PYGB: variants seen among roughly 807,000 people sequenced by gnomAD.
PYGB encodes glycogen phosphorylase B, also known as glycogen phosphorylase, brain form.
Under a neutral mutation model 94.3 loss-of-function variants are expected in PYGB, and 82 were observed. The observed-to-expected ratio is 0.87, with a 90% CI of 0.73 to 1.04. The LOEUF is 1.04. PYGB is among the 50% of genes least tolerant of loss of function. The pLI, the probability that PYGB is intolerant of heterozygous loss-of-function variation, is 0.00. For missense variants in PYGB, 1,132 were observed against 1,158.2 expected (o/e 0.98, Z 0.33); for synonymous variants, 488 against 479.1 (o/e 1.02, Z -0.24).
At chr20:25,263,144 C>G (rs921926091) in intron 2 of PYGB, among the ~76,000 whole-genome samples, 2 of 152,166 alleles carry the variant, frequency 1.3e-5, no homozygotes, top group African/African-American at 2.4e-5. Context: ...ACTCTCCACC[C>G]CAAATCAACA....
rs1375716907 is a variant in PYGB at position 25,297,705 on chromosome 20, A to C, written c.*1183A>C. ...TCCTTCCCTGTGGAATTGCCGAGAA[A>C]TCTAGCACCTTGCATGCTGGATCTG... On this transcript the variant is annotated 3_prime_UTR_variant, in exon 20 of 20. Transcript: ENST00000216962. 1.3e-5 allele frequency: 2 copies of C among 152,290 alleles called. No homozygotes were observed. Among genetic ancestry groups the C allele is most frequent in the Non-Finnish European group, 2.9e-5 (2 of 68,096 alleles). 9.4% of individuals were successfully genotyped at this position (152,290 alleles called of 1,614,324 possible). A position where few individuals can be genotyped will look rare whatever the true frequency, so the allele number is the denominator to read the frequency against.
At chr20:25,256,132 C>A (rs2092902025) in intron 1 of PYGB, among the ~76,000 whole-genome samples, 1 of 152,146 alleles carries the variant, frequency 6.6e-6, no homozygotes, top group African/African-American at 2.4e-5. Flanking sequence ...AGTTAAAAAT[C>A]CCTTCAGAAA....
chr20:25,294,426 GAGACCTTACTGGGCAGAGCCTT>G (rs1202978331), intron 18 of PYGB, 134 bp downstream of exon 18: 2 of 1,166,560 alleles, frequency 1.7e-6, no homozygotes, highest in African/African-American at 3.1e-5. Context: ...CTGTGCCCAT[GAGACCTTACTGGGCAGAGCCTT>G]AGACCCCAGC....
intron 11 of PYGB, among the ~76,000 whole-genome samples, chr20:25,281,487 G>A (rs1020462714): frequency 1.3e-5 from 2 of 152,334 alleles, no homozygotes; most frequent in African/African-American, 4.8e-5. Context: ...GTCAGATCTT[G>A]TTCTTGCCCC....
intron 1 of PYGB, among the ~76,000 whole-genome samples, chr20:25,258,352 C>G (rs907256816): frequency 6.6e-6 from 1 of 152,204 alleles, no homozygotes; most frequent in Admixed American, 6.5e-5. Flanking sequence ...TCCACCCCAC[C>G]CTCAAGGTGG....
intron 17 of PYGB, among the ~76,000 whole-genome samples, chr20:25,292,820 G>C (rs1177864714): frequency 1.3e-5 from 2 of 152,140 alleles, no homozygotes; most frequent in Admixed American, 6.5e-5. Context: ...CGAGGCCCAC[G>C]TGGGGGTGCT....
At chr20:25,293,415 T>C (rs529417927) in intron 17 of PYGB, among the ~76,000 whole-genome samples, 4 of 86,170 alleles carry the variant, frequency 4.6e-5, no homozygotes, top group African/African-American at 2.0e-4. Flanking sequence ...AGTTTTTCCT[T>C]GTTCTTCATG....
chr20:25,281,837 C>T (rs1429330683), intron 11 of PYGB, among the ~76,000 whole-genome samples, 196 bp from the exon 12 acceptor site: 1 of 152,224 alleles, frequency 6.6e-6, no homozygotes, highest in Non-Finnish European at 1.5e-5. Flanking sequence ...CCACAGATGC[C>T]CCGGGGTGCA....
chr20:25,284,583 C>T (rs184757296), intron 14 of PYGB, among the ~76,000 whole-genome samples: 200 of 152,282 alleles, frequency 1.3e-3, no homozygotes, highest in Non-Finnish European at 9.9e-4. Context: ...TACAGGCGCA[C>T]GCCACTATGC....
intron 14 of PYGB, 48 bp from the exon 15 acceptor site, chr20:25,288,377 C>T (rs1025854446): frequency 1.2e-6 from 2 of 1,608,894 alleles, no homozygotes; most frequent in Non-Finnish European, 1.7e-6. Context: ...AGCAGGGGCT[C>T]GTCCGGCTCG....
intron 1 of PYGB, among the ~76,000 whole-genome samples, chr20:25,251,948 T>C (rs542166228): frequency 6.6e-5 from 10 of 152,356 alleles, no homozygotes; most frequent in Non-Finnish European, 1.5e-4. Context: ...GAAGATGATC[T>C]AGAGAAGTGT....
chr20:25,261,288 G>C (rs2092912905), intron 2 of PYGB, among the ~76,000 whole-genome samples: 1 of 152,224 alleles, frequency 6.6e-6, no homozygotes, highest in African/African-American at 2.4e-5. Context: ...GAAGCTTCCA[G>C]AGGAACGATC....
Position 25,294,226 on chromosome 20 carries a change from G to T in PYGB, c.2246G>T (p.Gly749Val), listed in dbSNP as rs1234057087. The change falls in exon 18 of 20, where the codon GGC (glycine) becomes GTC (valine). Residue 749 changes from glycine to valine, a missense_variant. Coordinates refer to ENST00000216962, the MANE Select transcript of PYGB (RefSeq NM_002862.4). Reference sequence around the variant, plus strand: ...CAGGCCGTGGACCAGATCAGCAGTGGCTTTTTTTCTCCCAAGGAGCCAGAC... The same window carrying T: ...CAGGCCGTGGACCAGATCAGCAGTGTCTTTTTTTCTCCCAAGGAGCCAGAC... ...LKQAVDQISSGFFSPKEPDCF... is the reference protein window; with the variant it reads ...LKQAVDQISSVFFSPKEPDCF... 1 of 1,585,340 alleles carries T rather than the reference G, an allele frequency of 6.3e-7. No individual in the cohort carries two copies. The highest frequency in any genetic ancestry group is 1.4e-5 in the African/African-American group (1 of 73,728).
intron 2 of PYGB, among the ~76,000 whole-genome samples, chr20:25,262,479 A>G (rs945867998): frequency 1.3e-5 from 2 of 152,244 alleles, no homozygotes; most frequent in African/African-American, 4.8e-5. Flanking sequence ...TGAAGGAAGC[A>G]CTAAACATGG....
chr20:25,294,306 C>G lies in PYGB; in HGVS notation c.2312+14C>G, dbSNP rs773128853. 1 of 1,329,232 alleles carries G rather than the reference C, an allele frequency of 7.5e-7. No homozygotes were observed. Among genetic ancestry groups the G allele is most frequent in the Non-Finnish European group, 1.0e-6 (1 of 977,662 alleles). 82.3% of individuals were successfully genotyped at this position (1,329,232 alleles called of 1,614,324 possible). On this transcript the variant is annotated intron_variant, in intron 18 of 19. Coordinates refer to ENST00000216962, the MANE Select transcript of PYGB (RefSeq NM_002862.4). The stretch of plus-strand genomic sequence containing the variant: ...GCACCATGACAGGTGGGACCGACTT[C>G]CCTGGTTGGGTGGCTGGGAGGGAGG...
chr20:25,272,285 T>C (rs904887207), intron 4 of PYGB, among the ~76,000 whole-genome samples: 1 of 152,184 alleles, frequency 6.6e-6, no homozygotes, highest in African/African-American at 2.4e-5. Context: ...AATGAATGTG[T>C]GCATGACGGG....
At chr20:25,282,608 A>T (rs922512730) in intron 12 of PYGB, among the ~76,000 whole-genome samples, 1 of 152,224 alleles carries the variant, frequency 6.6e-6, no homozygotes, top group African/African-American at 2.4e-5. Flanking sequence ...CTTCCCAGGA[A>T]AGCTGAGGTC....
At chr20:25,288,114 C>T (rs1391724120) in intron 14 of PYGB, 2 of 490,954 alleles carry the variant, frequency 4.1e-6, no homozygotes, top group Admixed American at 3.1e-5. Context: ...CTCTGAGCCC[C>T]GGGGAATAGC....
rs374705677 is a variant in PYGB, at chr20:25,292,495, G to C, written c.2059G>C (p.Ala687Pro). 10 of 1,613,566 alleles carry C rather than the reference G, an allele frequency of 6.2e-6. No homozygotes were observed. Among genetic ancestry groups the C allele is most frequent in the Non-Finnish European group, 8.5e-6 (10 of 1,180,040 alleles). Residue 687 changes from alanine (A) to proline (P), a missense_variant, in exon 17 of 20, where the codon GCC becomes CCC. By Grantham distance (27) the Ala-to-Pro change is conservative (BLOSUM62 -1). Transcript: ENST00000216962. Reference sequence around the variant, plus strand: ...CAACATGAAGTTCATGCTCAACGGGGCCCTCACCATCGGCACCATGGACGG... The same window carrying C: ...CAACATGAAGTTCATGCTCAACGGGCCCCTCACCATCGGCACCATGGACGG... ...TGNMKFMLNG[A>P]LTIGTMDGAN...
Sources: allele counts gnomAD v4.1 joint callset (sites outside exome capture counted in the v4.1 genomes callset), GRCh38; gene constraint gnomAD v4.1.1; transcripts MANE v1.5; gene names NCBI Gene and HGNC (gene_info 2026-07-23, HGNC 2026-07-21).